Variants in RGS17 observed in about 807,000 individuals in gnomAD.
RGS17 encodes regulator of G protein signaling 17.
In RGS17, 12 loss-of-function variants were observed where a neutral mutation model predicts 25.5. That is an observed-to-expected ratio of 0.47 (90% CI 0.30 to 0.76). The LOEUF (loss-of-function observed/expected upper bound fraction) is 0.76. RGS17 is among the 30% of genes least tolerant of loss of function. The pLI, the probability that RGS17 is intolerant of heterozygous loss-of-function variation, is 0.07. For missense variants in RGS17, 196 were observed against 242.2 expected (o/e 0.81, Z 1.27); for synonymous variants, 71 against 76.9 (o/e 0.92, Z 0.40).
intron 4 of RGS17, among the ~76,000 whole-genome samples, chr6:153,021,093 T>C (rs935050824): frequency 2.0e-5 from 3 of 152,182 alleles, no homozygotes; most frequent in African/African-American, 7.2e-5. Flanking sequence ...ATGCATTTGG[T>C]TTATTAGTTT....
chr6:153,049,705 C>T (rs1012227780), intron 1 of RGS17, among the ~76,000 whole-genome samples: 1 of 151,854 alleles, frequency 6.6e-6, no homozygotes, highest in Non-Finnish European at 1.5e-5. Flanking sequence ...GAGCCGAGAT[C>T]GCACCACTGC....
intron 1 of RGS17, among the ~76,000 whole-genome samples, chr6:153,109,449 A>G (rs1403999021): frequency 1.3e-5 from 2 of 152,230 alleles, no homozygotes; most frequent in African/African-American, 4.8e-5. Flanking sequence ...ACAATCTAAC[A>G]AATTATAGTC....
chr6:153,024,638 T>C lies in RGS17; in HGVS notation c.210-142A>G, dbSNP rs1779280780. On this transcript the variant is annotated intron_variant, in intron 3 of 4. Coordinates refer to ENST00000206262, the MANE Select transcript of RGS17 (RefSeq NM_012419.5). ...TATTTTGCCACTCAGTCCAGCCTGA[T>C]GTGCCAAATAAGTATCTGTCAGGAC... 7.8e-6 allele frequency: 5 copies of C among 644,708 alleles called. No individual in the cohort carries two copies. The Admixed American group carries it at 8.7e-5, about 11-fold the overall frequency. The allele number at this position is 644,708 out of a possible 1,614,324, so 39.9% of individuals were successfully genotyped here. A position where few individuals can be genotyped will look rare whatever the true frequency, so the allele number is the denominator to read the frequency against.
intron 2 of RGS17, among the ~76,000 whole-genome samples, chr6:153,034,300 C>T (rs1776204683): frequency 1.3e-5 from 2 of 152,126 alleles, no homozygotes; most frequent in South Asian, 2.1e-4. Context: ...GGGAATCCTG[C>T]AGCTGTGCAG....
chr6:153,113,343 C>T (rs1364652361), intron 1 of RGS17, among the ~76,000 whole-genome samples: 1 of 152,204 alleles, frequency 6.6e-6, no homozygotes, highest in Admixed American at 6.5e-5. Flanking sequence ...AAGGGCATTA[C>T]ATAATGGTAA....
intron 1 of RGS17, among the ~76,000 whole-genome samples, chr6:153,048,026 T>C (rs9371276): frequency 0.39 from 58,804 of 151,942 alleles, 12,111 homozygotes; most frequent in East Asian, 0.62. Context: ...ATGAACTCAT[T>C]GAGACTTTTT....
At chr6:153,066,537 A>G (rs974369195) in intron 1 of RGS17, among the ~76,000 whole-genome samples, 1 of 152,162 alleles carries the variant, frequency 6.6e-6, no homozygotes, top group African/African-American at 2.4e-5. Context: ...ACAAAGACAC[A>G]TCAAAAAAAG....
intron 1 of RGS17, among the ~76,000 whole-genome samples, chr6:153,071,692 C>A (rs926185598): frequency 6.6e-6 from 1 of 152,060 alleles, no homozygotes; most frequent in Admixed American, 6.6e-5. Context: ...GAAATAATAA[C>A]CAATAACAAC....
At chr6:153,016,762 G>A (rs1413938201) in intron 4 of RGS17, among the ~76,000 whole-genome samples, 1 of 152,180 alleles carries the variant, frequency 6.6e-6, no homozygotes, top group African/African-American at 2.4e-5. Flanking sequence ...GTGTAGCGAG[G>A]TCAAATAATA....
At chr6:153,050,929 A>G (rs1266549605) in intron 1 of RGS17, among the ~76,000 whole-genome samples, 2 of 152,200 alleles carry the variant, frequency 1.3e-5, no homozygotes, top group Non-Finnish European at 1.5e-5. Flanking sequence ...AGGTCACAAG[A>G]GCAGAGCCTT....
intron 1 of RGS17, among the ~76,000 whole-genome samples, chr6:153,110,145 T>C (rs547421933): frequency 2.0e-5 from 3 of 152,266 alleles, no homozygotes; most frequent in Admixed American, 1.3e-4. Context: ...CCAAAATCAG[T>C]GTCAAGAGAG....
intron 1 of RGS17, among the ~76,000 whole-genome samples, chr6:153,061,450 T>C (rs1197602242): frequency 2.0e-5 from 3 of 152,206 alleles, no homozygotes; most frequent in African/African-American, 7.2e-5. Context: ...ACATGCTCAA[T>C]ATTTCAATAC....
intron 4 of RGS17, among the ~76,000 whole-genome samples, chr6:153,017,397 GAGGTA>G (rs1240083691): frequency 6.6e-6 from 1 of 152,140 alleles, no homozygotes; most frequent in Non-Finnish European, 1.5e-5. Context: ...CAAAAGTATG[GAGGTA>G]AAGCGAGGAG....
At chr6:153,043,680 CTTA>C (rs1776349873) in intron 2 of RGS17, among the ~76,000 whole-genome samples, 2 of 151,458 alleles carry the variant, frequency 1.3e-5, no homozygotes, top group South Asian at 4.2e-4. Context: ...TTTTTTTTAC[CTTA>C]TTATCAATTT....
chr6:153,131,074 A>T (rs1398896343), intron 1 of RGS17, 50 bp downstream of exon 1: 2 of 151,846 alleles, frequency 1.3e-5, no homozygotes, highest in Non-Finnish European at 2.9e-5. Flanking sequence ...CAAAGCAGAC[A>T]TTTTGATGTC....
chr6:153,060,626 T>A (rs73014320), intron 1 of RGS17, among the ~76,000 whole-genome samples: 11,223 of 152,226 alleles, frequency 0.074, 446 homozygotes, highest in African/African-American at 0.082. Context: ...AGCACTGATA[T>A]TTTGTGAGCT....
intron 1 of RGS17, among the ~76,000 whole-genome samples, chr6:153,068,485 C>G (rs1776740651): frequency 6.6e-6 from 1 of 152,048 alleles, no homozygotes; most frequent in African/African-American, 2.4e-5. Context: ...TCTAAGACAT[C>G]AGACTATGAA....
chr6:153,115,740 G>T (rs1431229225), intron 1 of RGS17, among the ~76,000 whole-genome samples: 2 of 152,078 alleles, frequency 1.3e-5, no homozygotes, highest in South Asian at 2.1e-4. Context: ...TAGAGCAATG[G>T]AACAGAACAG....
chr6:153,097,288 TGA>T (rs372747642), intron 1 of RGS17, among the ~76,000 whole-genome samples: 9 of 125,154 alleles, frequency 7.2e-5, no homozygotes, highest in African/African-American at 2.7e-4. Context: ...AGCGTTTTTT[TGA>T]TTTTTTTTTT....
Sources: allele counts gnomAD v4.1 joint callset (sites outside exome capture counted in the v4.1 genomes callset), GRCh38; gene constraint gnomAD v4.1.1; transcripts MANE v1.5; gene names NCBI Gene and HGNC (gene_info 2026-07-23, HGNC 2026-07-21).